Variants in ERBB4 observed in about 807,000 individuals in gnomAD.
ERBB4 encodes the protein erb-b2 receptor tyrosine kinase 4.
ERBB4 carries 42 observed loss-of-function variants against 158.0 expected under a neutral mutation model. The ratio of observed to expected loss-of-function variants is 0.27; its 90% CI spans 0.21 to 0.34. The LOEUF is 0.34. ERBB4 is among the 10% of genes least tolerant of loss of function. The pLI, the probability that ERBB4 is intolerant of heterozygous loss-of-function variation, is 1.00. For missense variants in ERBB4, 1,333 were observed against 1,624.1 expected, an observed-to-expected ratio of 0.82 and a Z score of 3.08; for synonymous variants, 583 against 558.7, an observed-to-expected ratio of 1.04 and a Z score of -0.61.
chr2:211,906,729 A>G (rs1476097058), intron 3 of ERBB4, among the ~76,000 whole-genome samples: 1 of 151,366 alleles, frequency 6.6e-6, no homozygotes, highest in Non-Finnish European at 1.5e-5. Context: ...AGTAGGCCAC[A>G]GTGTCTGTTA....
intron 20 of ERBB4, among the ~76,000 whole-genome samples, chr2:211,559,099 C>G (rs1366794032): frequency 6.6e-6 from 1 of 152,086 alleles, no homozygotes; most frequent in Non-Finnish European, 1.5e-5. Flanking sequence ...GTTCATCCCC[C>G]ATCCTTCACC....
intron 25 of ERBB4, among the ~76,000 whole-genome samples, chr2:211,397,412 T>C (rs868566436): frequency 5.3e-5 from 8 of 152,180 alleles, no homozygotes; most frequent in Non-Finnish European, 7.4e-5. Context: ...ATTGTAACAC[T>C]TTACTAAAAA....
chr2:212,311,471 C>CAA (rs2087041653), intron 1 of ERBB4, among the ~76,000 whole-genome samples: 1 of 150,730 alleles, frequency 6.6e-6, no homozygotes, highest in African/African-American at 2.4e-5. Context: ...AAAGAACAGG[C>CAA]TGTTGACTGC....
chr2:211,458,270 AT>A (rs751521536), intron 20 of ERBB4, among the ~76,000 whole-genome samples: 2,668 of 143,074 alleles, frequency 0.019, 21 homozygotes, highest in Middle Eastern at 0.033. Context: ...ACAATGAATA[AT>A]TTTTTTTTTT....
At chr2:212,048,050 C>A (rs2077303344) in intron 2 of ERBB4, among the ~76,000 whole-genome samples, 1 of 152,048 alleles carries the variant, frequency 6.6e-6, no homozygotes, top group African/African-American at 2.4e-5. Context: ...CAGCTATAAG[C>A]TGACAAGAAA....
chr2:212,452,140 G>A (rs2092455100), intron 1 of ERBB4, among the ~76,000 whole-genome samples: 1 of 151,962 alleles, frequency 6.6e-6, no homozygotes, highest in African/African-American at 2.4e-5. Flanking sequence ...TGAAGGGGGA[G>A]GATGAAGGGA....
rs183588461 is a variant in ERBB4, at chr2:212,258,879, G to A, written c.83-133976C>T. Among the ~76,000 whole-genome samples, 129 of 152,000 alleles carry A rather than the reference G, an allele frequency of 8.5e-4. 3 individuals are homozygous for A. In the South Asian group the frequency reaches 0.026, roughly 31 times the overall value. The stretch of plus-strand genomic sequence containing the variant: ...ATTAAATTTATTACACAACTTTCCT[G>A]TGTCTCAAACAATGATCATCTTAGA... On this transcript the variant is annotated intron_variant, in intron 1 of 27. Coordinates refer to ENST00000342788, the MANE Select transcript of ERBB4 (RefSeq NM_005235.3).
At chr2:211,567,102 A>G (rs532063996) in intron 19 of ERBB4, among the ~76,000 whole-genome samples, 4 of 152,334 alleles carry the variant, frequency 2.6e-5, no homozygotes, top group Non-Finnish European at 5.9e-5. Flanking sequence ...CCCATGAAGC[A>G]GTTCAAACTC....
At chr2:211,833,369 G>T (rs979905684) in intron 3 of ERBB4, among the ~76,000 whole-genome samples, 4 of 152,078 alleles carry the variant, frequency 2.6e-5, no homozygotes, top group Admixed American at 6.6e-5. Flanking sequence ...CCACTGAAAA[G>T]AAACTCCTTT....
At chr2:211,800,073 TG>T (rs2076466423) in intron 3 of ERBB4, among the ~76,000 whole-genome samples, 1 of 152,082 alleles carries the variant, frequency 6.6e-6, no homozygotes, top group South Asian at 2.1e-4. Context: ...TTTTTAAGGG[TG>T]GGATTTCTGC....
Position 211,553,511 on chromosome 2 carries a change from C to T in ERBB4, c.2487+8392G>A, listed in dbSNP as rs139562232. Among the ~76,000 whole-genome samples, 874 of 152,184 alleles carry T rather than the reference C, an allele frequency of 5.7e-3. 30 individuals are homozygous for T. Among genetic ancestry groups the T allele is most frequent in the Admixed American group, 0.053 (817 of 15,292 alleles). ...TATTTTTAAATGACGGTATTTTTTACGTGTCATAATTAGGGTATTCTAACT... is the reference window on the plus strand; with the variant it reads ...TATTTTTAAATGACGGTATTTTTTATGTGTCATAATTAGGGTATTCTAACT... On this transcript the variant is annotated intron_variant, in intron 20 of 27. Coordinates refer to ENST00000342788, the MANE Select transcript of ERBB4 (RefSeq NM_005235.3).
At chr2:212,171,690 T>C (rs1389194151) in intron 1 of ERBB4, among the ~76,000 whole-genome samples, 1 of 152,148 alleles carries the variant, frequency 6.6e-6, no homozygotes, top group Non-Finnish European at 1.5e-5. Flanking sequence ...AAGGGTTTGA[T>C]GGTTACTCCT....
chr2:212,143,510 C>A (rs1382958214), intron 1 of ERBB4, among the ~76,000 whole-genome samples: 1 of 151,966 alleles, frequency 6.6e-6, no homozygotes, highest in East Asian at 1.9e-4. Flanking sequence ...TTCTAAAATT[C>A]TTCATGAATT....
intron 1 of ERBB4, among the ~76,000 whole-genome samples, chr2:212,461,773 G>A (rs537794018): frequency 6.6e-6 from 1 of 152,242 alleles, no homozygotes; most frequent in East Asian, 1.9e-4. Flanking sequence ...CCCACATGTT[G>A]TGGGAGGGAC....
Position 211,630,608 on chromosome 2 carries a change from T to C in ERBB4, c.1947-14A>G, listed in dbSNP as rs764160277. 8.7e-5 allele frequency: 138 copies of C among 1,590,008 alleles called. No individual in the cohort carries two copies. Among genetic ancestry groups the C allele is most frequent in the Non-Finnish European group, 1.1e-4 (133 of 1,173,962 alleles). Reference sequence around the variant, plus strand: ...ATCAGGGGAGTTCTGACAACCAGAATGAGAAAAAAAAAAATAAAAAGTATG... The same window carrying C: ...ATCAGGGGAGTTCTGACAACCAGAACGAGAAAAAAAAAAATAAAAAGTATG... On this transcript the variant is annotated splice_polypyrimidine_tract_variant and intron_variant, in intron 16 of 27. Coordinates refer to ENST00000342788, the MANE Select transcript of ERBB4 (RefSeq NM_005235.3).
chr2:211,756,436 G>T (rs2075289028), intron 4 of ERBB4, among the ~76,000 whole-genome samples: 1 of 152,270 alleles, frequency 6.6e-6, no homozygotes, highest in East Asian at 1.9e-4. Flanking sequence ...AGCATAGTTT[G>T]CATGAGTAAT....
intron 4 of ERBB4, chr2:211,777,595 G>A (rs545044881): frequency 1.3e-5 from 2 of 152,030 alleles, no homozygotes; most frequent in South Asian, 4.2e-4. Flanking sequence ...CCCATTACAG[G>A]GTTCCTGCCT....
intron 1 of ERBB4, among the ~76,000 whole-genome samples, chr2:212,144,254 T>C (rs1286758558): frequency 2.6e-5 from 4 of 152,178 alleles, no homozygotes; most frequent in African/African-American, 4.8e-5. Flanking sequence ...TTGGCAATTG[T>C]GTTAAATATT....
chr2:211,452,737 G>A (rs953845896), intron 20 of ERBB4, among the ~76,000 whole-genome samples: 3 of 152,044 alleles, frequency 2.0e-5, no homozygotes, highest in Non-Finnish European at 4.4e-5. Flanking sequence ...ACATTTCATA[G>A]TATAGAACCT....
Sources: allele counts gnomAD v4.1 joint callset (sites outside exome capture counted in the v4.1 genomes callset), GRCh38; gene constraint gnomAD v4.1.1; transcripts MANE v1.5; gene names NCBI Gene and HGNC (gene_info 2026-07-23, HGNC 2026-07-21).